FABP6: variants seen among roughly 807,000 people sequenced by gnomAD.
The protein encoded by FABP6 is gastrotropin.
Under a neutral mutation model 14.9 loss-of-function variants are expected in FABP6, and 13 were observed. The ratio of observed to expected loss-of-function variants is 0.87; its 90% CI spans 0.57 to 1.39. The LOEUF (loss-of-function observed/expected upper bound fraction) is 1.39. FABP6 is among the 40% of genes most tolerant of loss of function. The pLI, the probability that FABP6 is intolerant of heterozygous loss-of-function variation, is 0.00. For synonymous variants in FABP6, 75 were observed against 63.6 expected, an observed-to-expected ratio of 1.18 and a Z score of -0.85; for missense variants, 161 against 167.2, an observed-to-expected ratio of 0.96 and a Z score of 0.20.
intron 1 of FABP6, among the ~76,000 whole-genome samples, chr5:160,193,248 T>G (rs527379618): frequency 2.0e-4 from 31 of 152,072 alleles, no homozygotes; most frequent in Admixed American, 5.9e-4. Flanking sequence ...CGGTGAGTGT[T>G]GCGGCACGTC....
intron 1 of FABP6, among the ~76,000 whole-genome samples, chr5:160,195,275 C>T (rs1231005832): frequency 3.8e-5 from 4 of 104,640 alleles, no homozygotes; most frequent in African/African-American, 4.1e-5. Flanking sequence ...CAGAGCGAGA[C>T]TCTGTCTCAA....
chr5:160,189,375 G>C (rs1045770245), intron 1 of FABP6, among the ~76,000 whole-genome samples: 1 of 151,970 alleles, frequency 6.6e-6, no homozygotes, highest in African/African-American at 2.4e-5. Flanking sequence ...CCTAGTAGCT[G>C]GGATTACAGG....
chr5:160,220,205 A>C (rs1760101852), intron 3 of FABP6, among the ~76,000 whole-genome samples: 1 of 152,220 alleles, frequency 6.6e-6, no homozygotes, highest in African/African-American at 2.4e-5. Flanking sequence ...ATAACAGTAG[A>C]TATCCTTCAA....
intron 2 of FABP6, among the ~76,000 whole-genome samples, chr5:160,210,483 G>A (rs57796322): frequency 6.6e-6 from 1 of 152,132 alleles, no homozygotes; most frequent in South Asian, 2.1e-4. Context: ...GTGGGCAAGT[G>A]GGGTAGATCA....
rs146586835 is a variant in FABP6 at position 160,216,791 on chromosome 5, C to T, written c.135+2972C>T. ...TTACAGCCCTCTCAGAAGTTTGTTG[C>T]ATGGATTAACAGAGATGCCATGTGT... is the stretch of plus-strand genomic sequence containing the variant. On this transcript the variant is annotated intron_variant, in intron 3 of 6. Transcript: ENST00000393980. Among the ~76,000 whole-genome samples, 612 of 152,286 alleles carry T rather than the reference C, an allele frequency of 4.0e-3. 3 individuals are homozygous for T. The highest frequency in any genetic ancestry group is 0.014 in the African/African-American group (587 of 41,542).
At chr5:160,225,140 G>A (rs1018038913), upstream of FABP6, among the ~76,000 whole-genome samples, 3 of 151,006 alleles carry the variant, frequency 2.0e-5, no homozygotes, top group Non-Finnish European at 4.4e-5. Flanking sequence ...ACTATTGCCC[G>A]GGCTAGAGTG....
At chr5:160,195,849 T>C (rs1759498927) in intron 1 of FABP6, 1 of 152,268 alleles carries the variant, frequency 6.6e-6, no homozygotes, top group African/African-American at 2.4e-5. Flanking sequence ...CAGAGGGAGC[T>C]GCTGCATGGT....
chr5:160,221,058 C>T (rs1760118632), intron 3 of FABP6, among the ~76,000 whole-genome samples: 1 of 142,600 alleles, frequency 7.0e-6, no homozygotes, highest in South Asian at 2.2e-4. Flanking sequence ...CACTGCATTC[C>T]AGCCTGGGTG....
intron 3 of FABP6, among the ~76,000 whole-genome samples, chr5:160,236,817 CA>C (rs375689902): frequency 0.11 from 15,191 of 133,024 alleles, 778 homozygotes; most frequent in Non-Finnish European, 0.13. Flanking sequence ...ACTAAAAATA[CA>C]AAAAAAAAAA....
At chr5:160,208,306 T>TGCATGAAAG (rs925857999) in intron 2 of FABP6, among the ~76,000 whole-genome samples, 3 of 151,692 alleles carry the variant, frequency 2.0e-5, no homozygotes, top group African/African-American at 7.3e-5. Flanking sequence ...GGTGAGGTGG[T>TGCATGAAAG]GCATGCCTTT....
At chr5:160,213,588 A>C in intron 2 of FABP6, 1 of 679,434 alleles carries the variant, frequency 1.5e-6, no homozygotes. Flanking sequence ...CCTTTTGATA[A>C]ATTTCTTTTT....
At chr5:160,224,206 G>A (rs142826104) in intron 3 of FABP6, among the ~76,000 whole-genome samples, 2,320 of 151,794 alleles carry the variant, frequency 0.015, 27 homozygotes, top group South Asian at 0.024. Flanking sequence ...ACTGCACTCC[G>A]GCCTGGGCGA....
At chr5:160,227,540 A>AAAAG (rs1482778784), upstream of FABP6, among the ~76,000 whole-genome samples, 1 of 150,986 alleles carries the variant, frequency 6.6e-6, no homozygotes, top group African/African-American at 2.4e-5. Context: ...AAAAAAAAAA[A>AAAAG]AAAGGCATGG....
intron 1 of FABP6, among the ~76,000 whole-genome samples, chr5:160,192,460 T>C (rs1759415505): frequency 6.6e-6 from 1 of 152,254 alleles, no homozygotes; most frequent in Admixed American, 6.5e-5. Context: ...GTGTTTACTC[T>C]CCACTAAGTC....
chr5:160,194,762 C>T (rs1353559002), intron 1 of FABP6, among the ~76,000 whole-genome samples: 1 of 152,028 alleles, frequency 6.6e-6, no homozygotes, highest in Non-Finnish European at 1.5e-5. Context: ...ATGGCAGTCC[C>T]TTTAGATCCC....
At chr5:160,202,565 G>A (rs1580902121) in intron 2 of FABP6, among the ~76,000 whole-genome samples, 1 of 152,250 alleles carries the variant, frequency 6.6e-6, no homozygotes, top group East Asian at 1.9e-4. Flanking sequence ...GGGAGGACAA[G>A]GCAGGCAAAT....
At chr5:160,193,288 G>A (rs937666041) in intron 1 of FABP6, among the ~76,000 whole-genome samples, 20 of 152,048 alleles carry the variant, frequency 1.3e-4, no homozygotes, top group African/African-American at 4.3e-4. Flanking sequence ...CGGTGGGCTC[G>A]TGGTCTCGCT....
chr5:160,199,147 C>T (rs1759575458), exon 2 of FABP6: 4 of 1,614,140 alleles, frequency 2.5e-6, no homozygotes, highest in Non-Finnish European at 3.4e-6. Flanking sequence ...GAGATGCAGG[C>T]GCTGACTCAG....
rs377074206 is a variant in FABP6, at chr5:160,234,841, G to A, written c.265G>A (p.Gly89Arg). ...CCAGGCCACTGTGCAGATGGAGGGC[G>A]GGAAGCTGGTGGTGAATTTCCCCAA... The part of the protein sequence containing the change: ...TFKATVQMEG[G>R]KLVVNFPNYH... The change falls in exon 3 of 4, where the codon GGG becomes AGG. Residue 89 changes from glycine to arginine, a missense_variant. Gly to Arg is a moderately radical substitution (Grantham distance 125). Coordinates refer to ENST00000402432, the MANE Select transcript of FABP6 (RefSeq NM_001445.3). 1.3e-4 allele frequency: 208 copies of A among 1,610,940 alleles called. No individual in the cohort carries two copies. Among genetic ancestry groups the A allele is most frequent in the Non-Finnish European group, 1.6e-4 (185 of 1,178,390 alleles).
Sources: gnomAD v4.1 joint callset for allele counts (sites outside exome capture counted in the v4.1 genomes callset) on GRCh38, gnomAD v4.1.1 for gene constraint, MANE v1.5 for transcripts, NCBI Gene and HGNC (gene_info 2026-07-23, HGNC 2026-07-21) for gene names.